CPVL: variants seen among roughly 807,000 people sequenced by gnomAD.
CPVL encodes probable serine carboxypeptidase CPVL.
In CPVL, 51 loss-of-function variants were observed where a neutral mutation model predicts 63.7. The observed-to-expected ratio is 0.80, with a 90% CI of 0.64 to 1.01. The LOEUF is 1.01. CPVL is among the 50% of genes least tolerant of loss of function. The pLI, the probability that CPVL is intolerant of heterozygous loss-of-function variation, is 0.00. For missense variants in CPVL, 530 were observed against 573.1 expected (o/e 0.92, Z 0.77); for synonymous variants, 195 against 206.0 (o/e 0.95, Z 0.46).
intron 5 of CPVL, among the ~76,000 whole-genome samples, chr7:29,159,915 C>T (rs35826549): frequency 6.6e-6 from 1 of 152,028 alleles, no homozygotes; most frequent in Non-Finnish European, 1.5e-5. Flanking sequence ...TGTGGAAGGA[C>T]GTAATTAATT....
chr7:29,166,161 G>A (rs1795889694), intron 5 of CPVL, among the ~76,000 whole-genome samples: 1 of 152,026 alleles, frequency 6.6e-6, no homozygotes, highest in Non-Finnish European at 1.5e-5. Flanking sequence ...CTCCCAAGTA[G>A]CTAGGACCAC....
In CPVL at chr7:29,065,929, A is replaced by T. The variant is rs566894148; in HGVS notation, c.963+94T>A. On this transcript the variant is annotated intron_variant, in intron 10 of 12. Transcript: ENST00000265394. ...TACAGTTTGGACATGTTGGTCTAGT[A>T]TAAAGTCATCTATAATATTTCCCAA... The T allele has an allele frequency of 3.2e-5, 23 of 709,672 alleles. No homozygotes were observed. In the South Asian group the frequency reaches 3.8e-4, roughly 12 times the overall value. 44.0% of individuals were successfully genotyped at this position (709,672 alleles called of 1,614,324 possible).
chr7:29,133,626 T>A (rs931649677), intron 1 of CPVL, among the ~76,000 whole-genome samples: 11 of 152,340 alleles, frequency 7.2e-5, no homozygotes, highest in African/African-American at 2.6e-4. Flanking sequence ...TGGCATTTAA[T>A]CCTGCTGAAA....
chr7:29,048,965 G>A (rs1789889742), intron 11 of CPVL, among the ~76,000 whole-genome samples: 1 of 151,918 alleles, frequency 6.6e-6, no homozygotes, highest in South Asian at 2.1e-4. Flanking sequence ...TCTTCAAGCT[G>A]AACGACAATA....
intron 3 of CPVL, 24 bp from the exon 4 acceptor site, chr7:29,096,241 G>A (rs769195169): frequency 1.3e-6 from 2 of 1,550,500 alleles, no homozygotes; most frequent in Non-Finnish European, 1.8e-6. Flanking sequence ...TAAAACCAGT[G>A]ACCACACAGA....
chr7:29,052,734 C>G (rs1790316113), intron 11 of CPVL, among the ~76,000 whole-genome samples: 1 of 152,080 alleles, frequency 6.6e-6, no homozygotes, highest in South Asian at 2.1e-4. Flanking sequence ...ACGGTGAAAC[C>G]CTGTCTCTAC....
At chr7:29,179,955 G>T (rs1021218921) in intron 5 of CPVL, among the ~76,000 whole-genome samples, 2 of 152,084 alleles carry the variant, frequency 1.3e-5, no homozygotes, top group African/African-American at 4.8e-5. Context: ...GCATTCTATT[G>T]ATCTTTTGCT....
At chr7:29,052,302 TATAAA>T (rs1163331895) in intron 11 of CPVL, among the ~76,000 whole-genome samples, 4 of 151,802 alleles carry the variant, frequency 2.6e-5, no homozygotes, top group Non-Finnish European at 4.4e-5. Context: ...AAAAAATTTT[TATAAA>T]ATAGAGACAG....
At chr7:28,996,866 C>T (rs1406162819) in intron 12 of CPVL, among the ~76,000 whole-genome samples, 2 of 152,148 alleles carry the variant, frequency 1.3e-5, no homozygotes, top group African/African-American at 4.8e-5. Context: ...CATTATTCAT[C>T]AGAGTTCAAC....
chr7:29,033,888 C>T (rs898610119), intron 11 of CPVL, among the ~76,000 whole-genome samples: 1 of 151,972 alleles, frequency 6.6e-6, no homozygotes, highest in Admixed American at 6.6e-5. Flanking sequence ...GATGGTTATG[C>T]AATGTCACAG....
chr7:29,079,276 G>C (rs1784482646), intron 7 of CPVL, among the ~76,000 whole-genome samples: 1 of 152,176 alleles, frequency 6.6e-6, no homozygotes. Context: ...TAGAGACAGT[G>C]CAAGTTCAAG....
Position 29,052,271 on chromosome 7 carries a change from T to C in CPVL, c.1137+11790A>G, listed in dbSNP as rs139794825. On this transcript the variant is annotated intron_variant, in intron 11 of 12. Coordinates refer to ENST00000265394, the MANE Select transcript of CPVL (RefSeq NM_031311.5). The stretch of plus-strand genomic sequence containing the variant: ...TACTCATGTAACCAAATACTAACTG[T>C]ACCCCAATAACCTATGGGGAAAAAA... 3.6e-3 allele frequency among the ~76,000 whole-genome samples: 545 copies of C among 151,174 alleles called. 5 individuals carry two copies. The highest frequency in any genetic ancestry group is 0.013 in the African/African-American group (521 of 41,170).
chr7:29,100,208 G>A (rs1229421275), intron 3 of CPVL, among the ~76,000 whole-genome samples: 2 of 152,194 alleles, frequency 1.3e-5, no homozygotes, highest in Non-Finnish European at 2.9e-5. Flanking sequence ...ACTGATTCCA[G>A]CGGATATCCA....
intron 3 of CPVL, among the ~76,000 whole-genome samples, chr7:29,099,444 G>A (rs1786837739): frequency 6.6e-6 from 1 of 152,180 alleles, no homozygotes; most frequent in African/African-American, 2.4e-5. Flanking sequence ...GGGTATGGTG[G>A]CGCATGCCTA....
At chr7:29,054,401 A>T (rs930405838) in intron 11 of CPVL, among the ~76,000 whole-genome samples, 1 of 152,130 alleles carries the variant, frequency 6.6e-6, no homozygotes, top group South Asian at 2.1e-4. Context: ...TTTTACTTGA[A>T]ATGTAGTTCT....
chr7:29,035,691 G>A (rs1208076803), intron 11 of CPVL, among the ~76,000 whole-genome samples: 1 of 152,146 alleles, frequency 6.6e-6, no homozygotes, highest in Non-Finnish European at 1.5e-5. Flanking sequence ...AAAACCGATG[G>A]ACAATTACAG....
intron 1 of CPVL, among the ~76,000 whole-genome samples, chr7:29,131,965 T>C (rs1202265317): frequency 1.3e-5 from 2 of 152,164 alleles, no homozygotes; most frequent in Non-Finnish European, 2.9e-5. Context: ...AATAAATATA[T>C]CCTTAGCTCA....
At chr7:29,023,246 T>G (rs1787183808) in intron 12 of CPVL, among the ~76,000 whole-genome samples, 1 of 151,794 alleles carries the variant, frequency 6.6e-6, no homozygotes, top group Admixed American at 6.6e-5. Flanking sequence ...AGGAAAGAGG[T>G]TTAATGGGCT....
chr7:29,050,607 T>G (rs1055381714), intron 11 of CPVL, among the ~76,000 whole-genome samples: 10 of 151,872 alleles, frequency 6.6e-5, no homozygotes, highest in African/African-American at 2.4e-4. Context: ...ACAAGACAAA[T>G]AGAAACACAT....
Sources: allele counts gnomAD v4.1 joint callset (sites outside exome capture counted in the v4.1 genomes callset), GRCh38; gene constraint gnomAD v4.1.1; transcripts MANE v1.5; gene names NCBI Gene and HGNC (gene_info 2026-07-23, HGNC 2026-07-21).